Variants in L3MBTL3 observed in about 807,000 individuals in gnomAD.
L3MBTL3 encodes lethal(3)malignant brain tumor-like protein 3.
In L3MBTL3, 27 loss-of-function variants were observed where a neutral mutation model predicts 102.3. The ratio of observed to expected loss-of-function variants is 0.26; its 90% CI spans 0.19 to 0.36. The LOEUF is 0.36. Ranked by LOEUF, L3MBTL3 falls within the 10% of genes least tolerant of loss-of-function variation. The pLI, the probability that L3MBTL3 is intolerant of heterozygous loss-of-function variation, is 1.00. For synonymous variants in L3MBTL3, 340 were observed against 320.9 expected (o/e 1.06, Z -0.64); for missense variants, 798 against 955.3 (o/e 0.84, Z 2.17).
In L3MBTL3 at chr6:130,066,384, A is replaced by C. The variant is rs772128840; in HGVS notation, c.896A>C (p.Asp299Ala). Reference protein sequence around the residue: ...VCGYRIKLHFDGYSDCYDFWV... With the variant: ...VCGYRIKLHFAGYSDCYDFWV... ...GGATACCGGATAAAGCTTCACTTTG[A>C]TGGGTATTCTGATTGCTATGACTTC... The change falls in exon 11 of 23, where the codon GAT becomes GCT. Residue 299 changes from aspartate (D) to alanine (A), a missense_variant. Physicochemically the swap from Asp to Ala is moderately radical, Grantham distance 126. Transcript: ENST00000361794. The C allele has an allele frequency of 6.2e-6, 10 of 1,608,816 alleles. No individual in the cohort carries two copies. The East Asian group carries it at 2.0e-4, about 33-fold the overall frequency.
chr6:130,041,810 G>A (rs184984561), intron 2 of L3MBTL3, among the ~76,000 whole-genome samples: 46 of 152,256 alleles, frequency 3.0e-4, no homozygotes, highest in Non-Finnish European at 4.7e-4. Flanking sequence ...GACATTTCCT[G>A]CTATTGAGCA....
chr6:130,100,665 ATTTAAATGGTAAGTGTCATAATGGCTG>A (rs1784627437), intron 18 of L3MBTL3, among the ~76,000 whole-genome samples: 1 of 151,696 alleles, frequency 6.6e-6, no homozygotes, highest in Non-Finnish European at 1.5e-5. Flanking sequence ...AAAAAAAGAT[ATTTAAATGGTAAGTGTCATAATGGCTG>A]CAGTCTTACC....
At chr6:130,025,827 T>C (rs1042763413) in intron 2 of L3MBTL3, among the ~76,000 whole-genome samples, 1 of 152,210 alleles carries the variant, frequency 6.6e-6, no homozygotes, top group African/African-American at 2.4e-5. Context: ...TCTAAATTAC[T>C]GTTGTGAACT....
At chr6:130,075,473 C>T (rs563904665) in intron 13 of L3MBTL3, among the ~76,000 whole-genome samples, 33 of 152,124 alleles carry the variant, frequency 2.2e-4, no homozygotes, top group Non-Finnish European at 3.2e-4. Flanking sequence ...TTACTTAACA[C>T]TTCTAAACTT....
intron 15 of L3MBTL3, among the ~76,000 whole-genome samples, chr6:130,085,287 AGCT>A (rs1335949861): frequency 6.6e-6 from 1 of 152,156 alleles, no homozygotes; most frequent in Non-Finnish European, 1.5e-5. Flanking sequence ...AGGCGTAGGT[AGCT>A]GTTGATTCCC....
intron 9 of L3MBTL3, 55 bp from the exon 10 acceptor site, chr6:130,059,981 C>T: frequency 1.1e-6 from 1 of 941,066 alleles, no homozygotes; most frequent in Non-Finnish European, 1.7e-6. Flanking sequence ...CTATTTACAT[C>T]TTTAAATAGG....
chr6:130,131,072 A>G (rs1786976327), intron 20 of L3MBTL3, among the ~76,000 whole-genome samples: 1 of 152,216 alleles, frequency 6.6e-6, no homozygotes, highest in Non-Finnish European at 1.5e-5. Context: ...CAAAATATTA[A>G]TGAGAGATAT....
chr6:130,111,812 G>A (rs948631970), intron 19 of L3MBTL3, among the ~76,000 whole-genome samples: 1 of 152,144 alleles, frequency 6.6e-6, no homozygotes, highest in Non-Finnish European at 1.5e-5. Flanking sequence ...GAGCTTTGGA[G>A]TCCAGACTCA....
At chr6:130,120,847 T>C (rs764276801) in intron 19 of L3MBTL3, 32 bp from the exon 20 acceptor site, 18 of 1,537,950 alleles carry the variant, frequency 1.2e-5, no homozygotes, top group Non-Finnish European at 1.6e-5. Flanking sequence ...AATGTTTCTC[T>C]TATAAAATAT....
intron 11 of L3MBTL3, among the ~76,000 whole-genome samples, chr6:130,067,137 G>A (rs372443644): frequency 2.6e-5 from 4 of 151,472 alleles, no homozygotes; most frequent in East Asian, 1.9e-4. Context: ...TTTTTGAGAC[G>A]GAGTCTTGCT....
chr6:130,126,401 C>G (rs571483869), intron 20 of L3MBTL3, among the ~76,000 whole-genome samples: 6 of 152,168 alleles, frequency 3.9e-5, no homozygotes, highest in African/African-American at 1.4e-4. Context: ...CTGTTGGGCC[C>G]TAATGGAAAC....
At chr6:130,072,700 C>A (rs1458386184) in intron 13 of L3MBTL3, among the ~76,000 whole-genome samples, 3 of 152,054 alleles carry the variant, frequency 2.0e-5, no homozygotes, top group Non-Finnish European at 4.4e-5. Flanking sequence ...GGGATTGTTT[C>A]GAAATCAGTG....
chr6:130,136,098 C>CCACCCTGGTCTGCGCCACCAT (rs1787629082), intron 22 of L3MBTL3, among the ~76,000 whole-genome samples: 4 of 152,158 alleles, frequency 2.6e-5, no homozygotes, highest in Admixed American at 1.3e-4. Context: ...ACTGCCACCA[C>CCACCCTGGTCTGCGCCACCAT]CACCCTGGTC....
rs1787053604 is a variant in L3MBTL3 at position 130,131,627 on chromosome 6, T to TA, written c.1967-1825_1967-1824insA. ...AGTGAAGTGAGGATGCAAAAGTGTA[T>TA]TAGGAAAGGAAAGGAATAAAGAATG... On this transcript the variant is annotated intron_variant, in intron 20 of 22. Coordinates refer to ENST00000361794, the MANE Select transcript of L3MBTL3 (RefSeq NM_032438.4). Among the ~76,000 whole-genome samples the TA allele has an allele frequency of 2.6e-5, 4 of 152,114 alleles. No individual in the cohort carries two copies. In the South Asian group the frequency reaches 8.3e-4, roughly 32 times the overall value.
At chr6:130,119,975 G>T (rs1290967195) in intron 19 of L3MBTL3, among the ~76,000 whole-genome samples, 1 of 152,072 alleles carries the variant, frequency 6.6e-6, no homozygotes. Flanking sequence ...AAATGTATTT[G>T]CCCCGTTATT....
At chr6:130,068,282 A>G (rs1301420552) in intron 11 of L3MBTL3, 48 bp from the exon 12 acceptor site, 2 of 1,015,432 alleles carry the variant, frequency 2.0e-6, no homozygotes, top group South Asian at 1.4e-5. Flanking sequence ...AACTAAGTGT[A>G]AAATATTGTG....
At chr6:130,103,284 G>T (rs902701801) in intron 18 of L3MBTL3, among the ~76,000 whole-genome samples, 9 of 152,132 alleles carry the variant, frequency 5.9e-5, no homozygotes, top group African/African-American at 2.2e-4. Context: ...TCTTCTTTTG[G>T]ATAGATACCA....
chr6:130,045,114 A>G (rs904613267), intron 3 of L3MBTL3, among the ~76,000 whole-genome samples: 13 of 152,154 alleles, frequency 8.5e-5, no homozygotes, highest in African/African-American at 3.1e-4. Context: ...CAGTCAAGTT[A>G]CACCCTTCTT....
intron 19 of L3MBTL3, among the ~76,000 whole-genome samples, chr6:130,111,929 C>T (rs1785373828): frequency 6.6e-6 from 1 of 152,220 alleles, no homozygotes. Context: ...CTTGTGTCAT[C>T]TGGCCCCTGC....
Sources: gnomAD v4.1 joint callset for allele counts (sites outside exome capture counted in the v4.1 genomes callset) on GRCh38, gnomAD v4.1.1 for gene constraint, MANE v1.5 for transcripts, NCBI Gene and HGNC (gene_info 2026-07-23, HGNC 2026-07-21) for gene names.